The following CTNNA2 variants were observed in gnomAD, a reference collection of about 807,000 sequenced individuals.
The protein encoded by CTNNA2 is catenin alpha 2.
In CTNNA2, 42 loss-of-function variants were observed where a neutral mutation model predicts 101.0. The observed-to-expected ratio is 0.42, with a 90% CI of 0.32 to 0.54. CTNNA2 has a LOEUF of 0.54. Among genes scored for constraint, CTNNA2 ranks in the 20% least tolerant of loss-of-function variants. The pLI is 0.14. For synonymous variants in CTNNA2, 450 were observed against 456.4 expected, an observed-to-expected ratio of 0.99 and a Z score of 0.18; for missense variants, 871 against 1,223.1, an observed-to-expected ratio of 0.71 and a Z score of 4.29.
At chr2:80,251,285 A>G (rs1054782737) in intron 7 of CTNNA2, among the ~76,000 whole-genome samples, 14 of 151,900 alleles carry the variant, frequency 9.2e-5, no homozygotes, top group African/African-American at 3.4e-4. Context: ...TTGAGATGCC[A>G]TTTGTTAAAT....
At chr2:80,466,024 A>C (rs1281947422) in intron 9 of CTNNA2, among the ~76,000 whole-genome samples, 2 of 152,174 alleles carry the variant, frequency 1.3e-5, no homozygotes, top group Non-Finnish European at 2.9e-5. Context: ...TTCTGCTTCC[A>C]TATGTGTTTT....
intron 2 of CTNNA2, among the ~76,000 whole-genome samples, chr2:79,660,956 A>G (rs1366749220): frequency 3.3e-5 from 5 of 152,240 alleles, no homozygotes; most frequent in Admixed American, 1.3e-4. Flanking sequence ...AAATACAAAA[A>G]CAAAGCAATT....
At chr2:80,475,766 C>CATA (rs1253246197) in intron 9 of CTNNA2, among the ~76,000 whole-genome samples, 3 of 151,994 alleles carry the variant, frequency 2.0e-5, no homozygotes, top group South Asian at 2.1e-4. Flanking sequence ...GTCTGTGTAT[C>CATA]ATATAAGGCC....
rs189987181 is a variant in CTNNA2, at chr2:79,495,068, A to G, written c.-134-9986A>G. ...CAGTGAGCCGAGATTGCGCCACTGC[A>G]CTCCAGCCTGGGCGACAGAGCAAAA... On this transcript the variant is annotated intron_variant, in intron 4 of 21. Coordinates refer to the CTNNA2 transcript ENST00000466387. Among the ~76,000 whole-genome samples the G allele has an allele frequency of 7.9e-5, 12 of 152,248 alleles. No individual in the cohort carries two copies. In the East Asian group the frequency reaches 2.1e-3, roughly 27 times the overall value.
intron 1 of CTNNA2, among the ~76,000 whole-genome samples, chr2:79,554,088 C>G (rs538047179): frequency 2.6e-5 from 4 of 152,146 alleles, no homozygotes; most frequent in Non-Finnish European, 5.9e-5. Context: ...ATCATTCTTG[C>G]ATGCAATGAC....
chr2:80,205,225 T>C (rs1227789175), intron 7 of CTNNA2, among the ~76,000 whole-genome samples: 3 of 152,152 alleles, frequency 2.0e-5, no homozygotes, highest in African/African-American at 7.2e-5. Flanking sequence ...ATTTGAAGGA[T>C]TGTATTTTGA....
chr2:79,811,346 A>C (rs1210740813), intron 3 of CTNNA2, among the ~76,000 whole-genome samples: 1 of 151,926 alleles, frequency 6.6e-6, no homozygotes, highest in African/African-American at 2.4e-5. Context: ...GTGTCTGTTG[A>C]TATGCTTCAC....
chr2:79,648,278 T>G (rs1173499618), intron 1 of CTNNA2, among the ~76,000 whole-genome samples: 1 of 152,180 alleles, frequency 6.6e-6, no homozygotes, highest in Non-Finnish European at 1.5e-5. Flanking sequence ...ATTGCCTCCC[T>G]TTTTGCTCTA....
At chr2:79,817,868 A>G (rs1204055682) in intron 3 of CTNNA2, among the ~76,000 whole-genome samples, 1 of 152,006 alleles carries the variant, frequency 6.6e-6, no homozygotes, top group Non-Finnish European at 1.5e-5. Flanking sequence ...CTGGAAGTCT[A>G]CTCCTTCCAA....
intron 7 of CTNNA2, among the ~76,000 whole-genome samples, chr2:80,025,833 A>G (rs979713991): frequency 2.6e-5 from 4 of 152,218 alleles, no homozygotes; most frequent in African/African-American, 9.6e-5. Flanking sequence ...CTATTGCACC[A>G]TCTCCTCCTA....
At chr2:79,877,046 C>G (rs1325613211) in intron 6 of CTNNA2, among the ~76,000 whole-genome samples, 1 of 151,224 alleles carries the variant, frequency 6.6e-6, no homozygotes, top group African/African-American at 2.4e-5. Flanking sequence ...AATTATATTA[C>G]TTATAATATT....
Position 79,704,832 on chromosome 2 carries a change from C to A in CTNNA2, c.103-39555C>A, listed in dbSNP as rs150080197. The stretch of plus-strand genomic sequence containing the variant: ...ATCATAAAAAGCAGAGAGTTTTCAG[C>A]AGTGCCCTCTCTACCCCTTTCAAGC... On this transcript the variant is annotated intron_variant, in intron 2 of 18. Transcript: ENST00000402739. Among the ~76,000 whole-genome samples the A allele has an allele frequency of 8.6e-3, 1,302 of 152,222 alleles. 9 individuals carry two copies. The highest frequency in any genetic ancestry group is 0.022 in the South Asian group (107 of 4,826).
intron 7 of CTNNA2, among the ~76,000 whole-genome samples, chr2:80,214,268 G>T (rs1402192174): frequency 6.6e-6 from 1 of 152,138 alleles, no homozygotes; most frequent in Non-Finnish European, 1.5e-5. Context: ...ATGTTAGCTG[G>T]TTATTTTGCT....
chr2:80,411,557 G>A (rs1289337813), intron 8 of CTNNA2, among the ~76,000 whole-genome samples: 1 of 152,090 alleles, frequency 6.6e-6, no homozygotes, highest in African/African-American at 2.4e-5. Flanking sequence ...TACTCGTTCA[G>A]GAATCACATT....
intron 7 of CTNNA2, among the ~76,000 whole-genome samples, chr2:79,927,517 A>AT (rs1002727749): frequency 5.9e-5 from 9 of 152,064 alleles, no homozygotes; most frequent in African/African-American, 1.7e-4. Context: ...CTGAAGATGG[A>AT]TTTTTTTTCA....
At chr2:79,558,357 C>G (rs563435086) in intron 1 of CTNNA2, among the ~76,000 whole-genome samples, 2 of 151,936 alleles carry the variant, frequency 1.3e-5, no homozygotes, top group Admixed American at 1.3e-4. Flanking sequence ...TCTGATAACA[C>G]GCCTAATAGG....
intron 2 of CTNNA2, among the ~76,000 whole-genome samples, chr2:79,728,397 A>G (rs1173698593): frequency 1.3e-5 from 2 of 152,124 alleles, no homozygotes; most frequent in Admixed American, 6.5e-5. Context: ...GTGTCTGTTG[A>G]TATCCTTCAC....
intron 7 of CTNNA2, among the ~76,000 whole-genome samples, chr2:80,380,031 T>A (rs1207975745): frequency 1.2e-5 from 1 of 85,512 alleles, no homozygotes; most frequent in African/African-American, 5.0e-5. Context: ...AGATGTACTT[T>A]TTTTTTTTTT....
intron 1 of CTNNA2, among the ~76,000 whole-genome samples, chr2:79,601,115 T>G (rs574668799): frequency 6.6e-6 from 1 of 152,184 alleles, no homozygotes; most frequent in African/African-American, 2.4e-5. Flanking sequence ...TAGTTCACAT[T>G]GCAGATAGAA....
Sources: gnomAD v4.1 joint callset for allele counts (sites outside exome capture counted in the v4.1 genomes callset) on GRCh38, gnomAD v4.1.1 for gene constraint, MANE v1.5 for transcripts, NCBI Gene and HGNC (gene_info 2026-07-23, HGNC 2026-07-21) for gene names.